The following POLR2C variants were observed in gnomAD, a reference collection of about 807,000 sequenced individuals.
The protein encoded by POLR2C is DNA-directed RNA polymerase II subunit RPB3.
Under a neutral mutation model 41.7 loss-of-function variants are expected in POLR2C, and 36 were observed. That is an observed-to-expected ratio of 0.86 (90% CI 0.66 to 1.14). The LOEUF is 1.14. POLR2C is among the 50% of genes most tolerant of loss of function. The pLI is 0.00. For synonymous variants in POLR2C, 133 were observed against 137.8 expected (o/e 0.96, Z 0.25); for missense variants, 260 against 350.4 (o/e 0.74, Z 2.06).
Position 57,462,803 on chromosome 16 carries a change from G to C in POLR2C, c.79G>C (p.Asp27His), listed in dbSNP as rs780477014. 1.9e-5 allele frequency: 30 copies of C among 1,598,950 alleles called. No homozygotes were observed. Among genetic ancestry groups the C allele is most frequent in the South Asian group, 4.5e-5 (4 of 89,828 alleles). The change falls in exon 1 of 9, where the codon GAC becomes CAC. Residue 27 changes from aspartate (D) to histidine (H), a missense_variant. By Grantham distance (81) the Asp-to-His change is moderately conservative. Coordinates refer to ENST00000219252, the MANE Select transcript of POLR2C (RefSeq NM_032940.3). ...ENVKFIIENT[D>H]LAVANSIRRV... ...TGTCAAGTTCATCATCGAGAACACC[G>C]ACCTGGCGTAAGGCTACCGAGGGAA...
At chr16:57,470,168 G>A in intron 7 of POLR2C, 39 bp downstream of exon 7, 1 of 1,601,940 alleles carries the variant, frequency 6.2e-7, no homozygotes, top group Non-Finnish European at 8.5e-7. Context: ...CATTTGGGGT[G>A]GGTGTGGCAT....
Position 57,469,423 on chromosome 16 carries a change from C to A in POLR2C, c.387+130C>A. 2 of 1,017,028 alleles carry A rather than the reference C, an allele frequency of 2.0e-6. No individual in the cohort carries two copies. The highest frequency in any genetic ancestry group is 2.5e-5 in the East Asian group (1 of 40,184). The allele number at this position is 1,017,028 out of a possible 1,614,324, so 63.0% of individuals were successfully genotyped here. On this transcript the variant is annotated intron_variant, in intron 5 of 8. Coordinates refer to ENST00000219252, the MANE Select transcript of POLR2C (RefSeq NM_032940.3). The surrounding 1 kb of genome is among the most constrained non-coding windows in gnomAD (Gnocchi z 5.8). ...CTGTTACCCTCTGCCTTAATCTGAT[C>A]CCTAGAAGTGCTAATTCTGGATTCC... is the stretch of plus-strand genomic sequence containing the variant.
At chr16:57,465,901 CTG>C (rs2146600284) in intron 2 of POLR2C, 50 bp from the exon 3 acceptor site, 2 of 1,100,618 alleles carry the variant, frequency 1.8e-6, no homozygotes, top group East Asian at 4.7e-5. Context: ...TGCATTAAGT[CTG>C]TAGGTAAATT....
At chr16:57,470,847 C>T (rs769464252) in intron 8 of POLR2C, 128 bp from the exon 9 acceptor site, 12 of 846,084 alleles carry the variant, frequency 1.4e-5, no homozygotes, top group Non-Finnish European at 2.1e-5. Flanking sequence ...AGGAAGTTAG[C>T]CCTGGCCCAA....
At chr16:57,467,393 G>A (rs567824098) in intron 4 of POLR2C, among the ~76,000 whole-genome samples, 27 of 152,254 alleles carry the variant, frequency 1.8e-4, no homozygotes, top group Admixed American at 1.4e-3. Context: ...TATTGGTGGG[G>A]ACCGTTGTAC....
At chr16:57,470,385 A>C in intron 8 of POLR2C, 31 bp downstream of exon 8, 2 of 1,526,348 alleles carry the variant, frequency 1.3e-6, no homozygotes, top group East Asian at 2.3e-5. Flanking sequence ...GGGAAGGTGA[A>C]GTGTGGAAGA....
chr16:57,464,758 A>G (rs1274365024), intron 2 of POLR2C, among the ~76,000 whole-genome samples: 1 of 145,306 alleles, frequency 6.9e-6, no homozygotes, highest in Non-Finnish European at 1.5e-5. Flanking sequence ...CAGTTTCATC[A>G]GGAGTCAGGT....
Position 57,470,112 on chromosome 16 carries a change from C to A in POLR2C, c.591C>A (p.Tyr197Ter). ...ACAATGCCCTGAGGCACACAGTGTACCCCAAGCCCGAGGAATGGTATGTTC... is the reference window on the plus strand; with the variant it reads ...ACAATGCCCTGAGGCACACAGTGTAACCCAAGCCCGAGGAATGGTATGTTC... The part of the protein sequence containing the change: ...DPDNALRHTV[Y>*]PKPEEWPKSE... The change falls in exon 7 of 9, where the codon TAC becomes TAA. Residue 197 changes from tyrosine (Y) to a stop codon, truncating the protein, a stop_gained. Transcript: ENST00000219252. LOFTEE classifies it high-confidence loss of function. 1 of 1,613,768 alleles carries A rather than the reference C, an allele frequency of 6.2e-7. No homozygotes were observed. The highest frequency in any genetic ancestry group is 8.5e-7 in the Non-Finnish European group (1 of 1,179,832).
At chr16:57,468,861 A>G (rs1291244575) in intron 4 of POLR2C, among the ~76,000 whole-genome samples, 1 of 152,180 alleles carries the variant, frequency 6.6e-6, no homozygotes, top group Non-Finnish European at 1.5e-5. Context: ...TCTCTGAGGA[A>G]GAGTAGTTCA....
rs921664893 is a variant in POLR2C, at chr16:57,469,506, T to C, written c.388-204T>C. Reference sequence around the variant, plus strand: ...CACCCTCTATCACCCAGGGACTCTTTTAAAGGCCATGGAATTGTTTTGCCT... The same window carrying C: ...CACCCTCTATCACCCAGGGACTCTTCTAAAGGCCATGGAATTGTTTTGCCT... On this transcript the variant is annotated intron_variant, in intron 5 of 8. Transcript: ENST00000219252. The surrounding 1 kb of genome is among the most constrained non-coding windows in gnomAD (Gnocchi z 5.8). The C allele has an allele frequency of 1.4e-6, 1 of 724,592 alleles. No individual in the cohort carries two copies. Among genetic ancestry groups the C allele is most frequent in the Admixed American group, 2.2e-5 (1 of 45,954 alleles). 44.9% of individuals were successfully genotyped at this position (724,592 alleles called of 1,614,324 possible).
rs1862442973 is a variant in POLR2C at position 57,470,357 on chromosome 16, A to G, written c.683+3A>G. ...GACCCCAACGGCAAGCCAGAAAGGT[A>G]AGAGCCTGGTTGGACATGGGAAGGT... On this transcript the variant is annotated splice_donor_region_variant and intron_variant, in intron 8 of 8. Transcript: ENST00000219252. 10 of 1,598,770 alleles carry G rather than the reference A, an allele frequency of 6.3e-6. No homozygotes were observed. Among genetic ancestry groups the G allele is most frequent in the Non-Finnish European group, 8.5e-6 (10 of 1,173,008 alleles).
At chr16:57,468,747 GTTTTA>G (rs1371369315) in intron 4 of POLR2C, among the ~76,000 whole-genome samples, 5 of 152,150 alleles carry the variant, frequency 3.3e-5, no homozygotes, top group African/African-American at 1.2e-4. Context: ...TTCCTTGGTG[GTTTTA>G]TTTTAAATGA....
chr16:57,465,644 A>C, intron 2 of POLR2C: 2 of 292,162 alleles, frequency 6.8e-6, no homozygotes, highest in Non-Finnish European at 1.3e-5. Context: ...CAGGTAGCAG[A>C]TTTAAGTGCT....
Position 57,462,695 on chromosome 16 carries a change from A to G in POLR2C, c.-30A>G. The G allele has an allele frequency of 3.2e-6, 5 of 1,544,450 alleles. No homozygotes were observed. Among genetic ancestry groups the G allele is most frequent in the Non-Finnish European group, 4.4e-6 (5 of 1,133,232 alleles). ...TGGCGCCGCGCAGTCACCGCGGAGCAGACGCGGAGGCTGGTGGCCCCTGGG... is the reference window on the plus strand; with the variant it reads ...TGGCGCCGCGCAGTCACCGCGGAGCGGACGCGGAGGCTGGTGGCCCCTGGG... On this transcript the variant is annotated 5_prime_UTR_variant, in exon 1 of 9. Coordinates refer to ENST00000219252, the MANE Select transcript of POLR2C (RefSeq NM_032940.3).
intron 4 of POLR2C, among the ~76,000 whole-genome samples, chr16:57,467,616 T>C (rs2030741805): frequency 1.3e-5 from 2 of 152,234 alleles, no homozygotes; most frequent in Admixed American, 1.3e-4. Context: ...CCAATTAATA[T>C]TTTACATTTG....
chr16:57,462,932 C>G lies in POLR2C; in HGVS notation c.87-97C>G, dbSNP rs886085899. The G allele has an allele frequency of 5.5e-5, 65 of 1,190,554 alleles. 1 individual carries two copies. In the East Asian group the frequency reaches 1.5e-3, roughly 28 times the overall value. The allele number at this position is 1,190,554 out of a possible 1,614,324, so 73.7% of individuals were successfully genotyped here. A position where few individuals can be genotyped will look rare whatever the true frequency, so the allele number is the denominator to read the frequency against. ...GGGGGCGATGTCCTTCCAGAGCTGCCCCCCTGCACCAGGGCTTTAGCTTTG... is the reference window on the plus strand; with the variant it reads ...GGGGGCGATGTCCTTCCAGAGCTGCGCCCCTGCACCAGGGCTTTAGCTTTG... On this transcript the variant is annotated intron_variant, in intron 1 of 8. Coordinates refer to ENST00000219252, the MANE Select transcript of POLR2C (RefSeq NM_032940.3).
intron 4 of POLR2C, among the ~76,000 whole-genome samples, chr16:57,468,256 A>G (rs531856820): frequency 6.6e-6 from 1 of 152,262 alleles, no homozygotes; most frequent in African/African-American, 2.4e-5. Context: ...GGCTCAAGCG[A>G]TCCTCCCACC....
Position 57,469,159 on chromosome 16 carries a change from C to A in POLR2C, c.259-6C>A, listed in dbSNP as rs1200314292. The A allele has an allele frequency of 6.2e-7, 1 of 1,611,476 alleles. No individual in the cohort carries two copies. The highest frequency in any genetic ancestry group is 1.7e-5 in the Admixed American group (1 of 59,832). ...TGACTCATTCCTGCTTCCCTTCCTG[C>A]CTTAGGACTGCACATGTGAGGAGTT... On this transcript the variant is annotated splice_polypyrimidine_tract_variant and splice_region_variant and intron_variant, in intron 4 of 8. Coordinates refer to ENST00000219252, the MANE Select transcript of POLR2C (RefSeq NM_032940.3). This position sits in a 1 kb window ranked among gnomAD's most constrained non-coding sequence, Gnocchi z 5.8.
At chr16:57,463,862 C>T in intron 2 of POLR2C, 1 of 304,468 alleles carries the variant, frequency 3.3e-6, no homozygotes, top group Non-Finnish European at 6.5e-6. Context: ...ATTGATTGAA[C>T]CCAGAAGGTG....
Sources: gnomAD v4.1 joint callset for allele counts (sites outside exome capture counted in the v4.1 genomes callset) on GRCh38, gnomAD v4.1.1 for gene constraint, Gnocchi (gnomAD v3.1) non-coding constraint, MANE v1.5 for transcripts, NCBI Gene and HGNC (gene_info 2026-07-23, HGNC 2026-07-21) for gene names.